The following GALNT13 variants were observed in gnomAD, a reference collection of about 807,000 sequenced individuals.
GALNT13 encodes UDP-GalNAc:polypeptide N-acetylgalactosaminyltransferase 13.
Under a neutral mutation model 64.2 loss-of-function variants are expected in GALNT13, and 28 were observed. That is an observed-to-expected ratio of 0.44 (90% CI 0.32 to 0.60). The LOEUF (loss-of-function observed/expected upper bound fraction) is 0.60. Among genes scored for constraint, GALNT13 ranks in the 20% least tolerant of loss-of-function variants. GALNT13 has a pLI of 0.05. For synonymous variants in GALNT13, 214 were observed against 224.6 expected, an observed-to-expected ratio of 0.95 and a Z score of 0.42; for missense variants, 577 against 669.8, an observed-to-expected ratio of 0.86 and a Z score of 1.53.
chr2:153,133,035 ATT>A, the GALNT13 span, among the ~76,000 whole-genome samples: 1,757 of 129,268 alleles, frequency 0.014, 30 homozygotes, highest in African/African-American at 0.045. Flanking sequence ...AACTGTGTTA[ATT>A]TTTTTTTTTT....
chr2:153,078,684 G>A, the GALNT13 span, among the ~76,000 whole-genome samples: 14 of 152,014 alleles, frequency 9.2e-5, no homozygotes, highest in African/African-American at 3.1e-4. Flanking sequence ...ATGAAGAAGG[G>A]AGGAATTTTT....
chr2:153,339,334 A>G, the GALNT13 span, among the ~76,000 whole-genome samples: 5 of 152,058 alleles, frequency 3.3e-5, no homozygotes, highest in Admixed American at 2.6e-4. Context: ...CAATATCTCA[A>G]TGTGGTTTTA....
the GALNT13 span, among the ~76,000 whole-genome samples, chr2:153,212,305 G>A: frequency 2.6e-4 from 40 of 152,200 alleles, no homozygotes; most frequent in East Asian, 5.8e-3. Flanking sequence ...TGCCAGCTTC[G>A]TGATTTTATT....
chr2:154,379,509 AT>A (rs1286918407), intron 9 of GALNT13, among the ~76,000 whole-genome samples: 2 of 152,196 alleles, frequency 1.3e-5, no homozygotes, highest in East Asian at 3.9e-4. Flanking sequence ...TCTCCTACAT[AT>A]TCAATTCCTT....
chr2:153,312,579 T>A, the GALNT13 span, among the ~76,000 whole-genome samples: 2 of 152,182 alleles, frequency 1.3e-5, no homozygotes, highest in Admixed American at 6.5e-5. Flanking sequence ...AACTGTGCAC[T>A]CCTCTGTGTG....
intron 8 of GALNT13, among the ~76,000 whole-genome samples, chr2:154,273,782 C>T (rs1691484723): frequency 6.6e-6 from 1 of 152,020 alleles, no homozygotes; most frequent in East Asian, 1.9e-4. Flanking sequence ...TGGTGCATTC[C>T]TCAAACTGTA....
the GALNT13 span, among the ~76,000 whole-genome samples, chr2:153,708,027 T>C: frequency 6.6e-6 from 1 of 152,168 alleles, no homozygotes; most frequent in Non-Finnish European, 1.5e-5. Context: ...AATGGATTCA[T>C]CATGTTAAAA....
the GALNT13 span, among the ~76,000 whole-genome samples, chr2:153,722,876 C>T: frequency 6.6e-6 from 1 of 150,590 alleles, no homozygotes; most frequent in Non-Finnish European, 1.5e-5. Context: ...ACCAGAGGTA[C>T]AAGGAGGAAA....
the GALNT13 span, among the ~76,000 whole-genome samples, chr2:153,668,267 T>C: frequency 1.3e-5 from 2 of 151,966 alleles, no homozygotes; most frequent in Non-Finnish European, 2.9e-5. Flanking sequence ...CCTAACAGAC[T>C]CCTGCAGAAC....
At chr2:154,111,609 C>G (rs1386339473) in intron 3 of GALNT13, among the ~76,000 whole-genome samples, 2 of 152,126 alleles carry the variant, frequency 1.3e-5, no homozygotes, top group Non-Finnish European at 2.9e-5. Flanking sequence ...GTCACGGGAG[C>G]AGGAAGCAAA....
chr2:154,180,986 C>T (rs1211913025), intron 4 of GALNT13, among the ~76,000 whole-genome samples: 7 of 152,214 alleles, frequency 4.6e-5, no homozygotes, highest in Non-Finnish European at 7.4e-5. Flanking sequence ...CCACAGCCAC[C>T]GGTGAGTGGT....
At chr2:154,317,344 C>T (rs1262680467) in intron 9 of GALNT13, among the ~76,000 whole-genome samples, 5 of 151,964 alleles carry the variant, frequency 3.3e-5, no homozygotes, top group Admixed American at 3.3e-4. Context: ...AATAAGCTTT[C>T]CAGAAAATGT....
chr2:154,366,627 G>A (rs1051052277), intron 9 of GALNT13, among the ~76,000 whole-genome samples: 2 of 152,160 alleles, frequency 1.3e-5, no homozygotes, highest in African/African-American at 4.8e-5. Context: ...CGACTTCTGA[G>A]CAGTGTTAAT....
the GALNT13 span, among the ~76,000 whole-genome samples, chr2:153,157,104 G>T: frequency 2.6e-5 from 4 of 152,124 alleles, no homozygotes; most frequent in South Asian, 8.3e-4. Context: ...AAGGGATTCT[G>T]TTTCTATGAA....
At chr2:154,064,466 G>T (rs574983851) in intron 3 of GALNT13, among the ~76,000 whole-genome samples, 4 of 152,036 alleles carry the variant, frequency 2.6e-5, no homozygotes, top group Non-Finnish European at 5.9e-5. Flanking sequence ...CAGCTCTGAC[G>T]GCTTATTTCT....
At chr2:153,411,615 C>T in the GALNT13 span, among the ~76,000 whole-genome samples, 1 of 152,216 alleles carries the variant, frequency 6.6e-6, no homozygotes, top group African/African-American at 2.4e-5. Context: ...TGAGATGAAA[C>T]TGGAGGGGCA....
At chr2:153,842,774 C>T in the GALNT13 span, among the ~76,000 whole-genome samples, 1 of 151,718 alleles carries the variant, frequency 6.6e-6, no homozygotes, top group Non-Finnish European at 1.5e-5. Flanking sequence ...ACTGGACCAA[C>T]AGGTAACCCA....
At chr2:153,317,864 G>A in the GALNT13 span, among the ~76,000 whole-genome samples, 1 of 151,910 alleles carries the variant, frequency 6.6e-6, no homozygotes, top group Non-Finnish European at 1.5e-5. Flanking sequence ...TTTGTCTTAT[G>A]GGAAAGAGAG....
chr2:153,300,194 C>T, the GALNT13 span, among the ~76,000 whole-genome samples: 11 of 152,262 alleles, frequency 7.2e-5, no homozygotes, highest in East Asian at 9.7e-4. Flanking sequence ...CTTTAGTTTG[C>T]GCTCCCCTAG....
Sources: allele counts gnomAD v4.1 joint callset (sites outside exome capture counted in the v4.1 genomes callset), GRCh38; gene constraint gnomAD v4.1.1; transcripts MANE v1.5; gene names NCBI Gene and HGNC (gene_info 2026-07-23, HGNC 2026-07-21).